The following BLK variants were observed in gnomAD, a reference collection of about 807,000 sequenced individuals.
BLK encodes BLK proto-oncogene, Src family tyrosine kinase, also known as tyrosine-protein kinase Blk.
Under a neutral mutation model 61.8 loss-of-function variants are expected in BLK, and 64 were observed. That is an observed-to-expected ratio of 1.03 (90% CI 0.85 to 1.27). The LOEUF is 1.27. Ranked by LOEUF, BLK falls within the 50% of genes most tolerant of loss-of-function variation. The probability of loss-of-function intolerance (pLI) is 0.00; values close to 1 mark genes in which losing one functional copy is unlikely to be tolerated. For synonymous variants in BLK, 351 were observed against 272.0 expected (o/e 1.29, Z -2.86); for missense variants, 853 against 660.5 (o/e 1.29, Z -3.19).
intron 1 of BLK, among the ~76,000 whole-genome samples, chr8:11,521,654 G>A (rs574378956): frequency 2.0e-5 from 3 of 152,304 alleles, no homozygotes; most frequent in South Asian, 2.1e-4. Context: ...TAAGGCCACA[G>A]TTTTATGTGA....
chr8:11,557,745 G>T, intron 9 of BLK: 1 of 536,934 alleles, frequency 1.9e-6, no homozygotes, highest in Non-Finnish European at 3.5e-6. Context: ...GGCAACTGCT[G>T]GTATATTGGC....
At chr8:11,545,415 G>C (rs1320531279) in intron 2 of BLK, among the ~76,000 whole-genome samples, 1 of 152,146 alleles carries the variant, frequency 6.6e-6, no homozygotes, top group South Asian at 2.1e-4. Flanking sequence ...TGGGCGTGAT[G>C]GCGGGCACCT....
intron 1 of BLK, among the ~76,000 whole-genome samples, chr8:11,520,367 C>T (rs1169490630): frequency 6.7e-6 from 1 of 149,768 alleles, no homozygotes; most frequent in African/African-American, 2.5e-5. Context: ...GTCCCAGCTA[C>T]TTGGGAGGTT....
intron 9 of BLK, 80 bp downstream of exon 9, chr8:11,556,917 T>C (rs774597435): frequency 2.2e-6 from 3 of 1,354,452 alleles, no homozygotes; most frequent in East Asian, 3.1e-5. Flanking sequence ...TCCGCTGCGG[T>C]GGGTTCACCA....
At chr8:11,541,418 C>T (rs968199768) in intron 1 of BLK, among the ~76,000 whole-genome samples, 2 of 151,900 alleles carry the variant, frequency 1.3e-5, no homozygotes, top group Non-Finnish European at 2.9e-5. Context: ...TAAAGGTGAA[C>T]ATACATCATA....
chr8:11,545,825 T>TC (rs778313591), intron 2 of BLK: 2 of 588,404 alleles, frequency 3.4e-6, no homozygotes, highest in East Asian at 5.8e-5. Context: ...CATTGGGGCA[T>TC]CCCCCAGCGC....
intron 10 of BLK, among the ~76,000 whole-genome samples, chr8:11,559,269 A>G (rs1212283884): frequency 5.3e-5 from 8 of 152,110 alleles, no homozygotes; most frequent in East Asian, 3.9e-4. Flanking sequence ...GACCATGCCA[A>G]TGGCTCTCTA....
chr8:11,557,252 C>T (rs1347500626), intron 9 of BLK, among the ~76,000 whole-genome samples: 1 of 152,160 alleles, frequency 6.6e-6, no homozygotes, highest in African/African-American at 2.4e-5. Flanking sequence ...ACAAGGATGG[C>T]CAGAGAGGTT....
intron 6 of BLK, chr8:11,552,853 G>T (rs1243997009): frequency 6.6e-6 from 1 of 152,342 alleles, no homozygotes; most frequent in African/African-American, 2.4e-5. Flanking sequence ...TGGGACCAGG[G>T]CTGCAGGACT....
chr8:11,536,712 C>T (rs1800147555), intron 1 of BLK, among the ~76,000 whole-genome samples: 1 of 152,290 alleles, frequency 6.6e-6, no homozygotes, highest in East Asian at 1.9e-4. Flanking sequence ...GGCCAATATT[C>T]TTGACTTTAG....
chr8:11,552,713 T>A (rs951739972), intron 6 of BLK: 1 of 152,168 alleles, frequency 6.6e-6, no homozygotes, highest in Non-Finnish European at 1.5e-5. Flanking sequence ...CATTGCCTAT[T>A]GCTAAGGTGA....
rs1338290872 is a variant in BLK, at chr8:11,549,139, AC to A, written c.368+23del. 6.4e-7 allele frequency: 1 copy of A among 1,574,324 alleles called. No homozygotes were observed. Among genetic ancestry groups the A allele is most frequent in the Non-Finnish European group, 8.6e-7 (1 of 1,158,546 alleles). Reference sequence around the variant, plus strand: ...AATGGAAAGGTAGGTGGGCACGGGAACCCCCCTCGAGCCAAGATGCAGTCAC... The same window carrying A: ...AATGGAAAGGTAGGTGGGCACGGGAACCCCCTCGAGCCAAGATGCAGTCAC... On this transcript the variant is annotated intron_variant, in intron 5 of 12. Coordinates refer to ENST00000259089, the MANE Select transcript of BLK (RefSeq NM_001715.3).
chr8:11,526,882 A>T (rs1433174742), intron 1 of BLK, among the ~76,000 whole-genome samples: 2 of 152,228 alleles, frequency 1.3e-5, no homozygotes, highest in Admixed American at 1.3e-4. Context: ...AATTGAATAC[A>T]TAGAGAAGGC....
intron 1 of BLK, among the ~76,000 whole-genome samples, chr8:11,510,604 A>G (rs1284262877): frequency 1.3e-5 from 2 of 152,014 alleles, no homozygotes; most frequent in African/African-American, 2.4e-5. Context: ...TTTTTTAAAA[A>G]ACCCAGCTTT....
At chr8:11,516,143 A>G (rs1563431389) in intron 1 of BLK, among the ~76,000 whole-genome samples, 1 of 152,372 alleles carries the variant, frequency 6.6e-6, no homozygotes, top group South Asian at 2.1e-4. Flanking sequence ...ACATGACGCT[A>G]AGAGGAGAGA....
chr8:11,498,917 T>C (rs1798458549), intron 1 of BLK, among the ~76,000 whole-genome samples: 1 of 152,234 alleles, frequency 6.6e-6, no homozygotes, highest in Non-Finnish European at 1.5e-5. Context: ...CAGGGGGTCC[T>C]TGTACTTCAA....
Position 11,559,838 on chromosome 8 carries a change from G to A in BLK, c.1030-1464G>A, listed in dbSNP as rs1287619982. 2.0e-5 allele frequency: 9 copies of A among 456,160 alleles called. 1 individual carries two copies. Among genetic ancestry groups the A allele is most frequent in the African/African-American group, 1.8e-4 (9 of 50,128 alleles). 28.3% of individuals were successfully genotyped at this position (456,160 alleles called of 1,614,324 possible). A position where few individuals can be genotyped will look rare whatever the true frequency, so the allele number is the denominator to read the frequency against. On this transcript the variant is annotated intron_variant, in intron 10 of 12. Coordinates refer to ENST00000259089, the MANE Select transcript of BLK (RefSeq NM_001715.3). ...TCAAGCGTAATGTCATTTCTATGAA[G>A]GTTTCCCTGGACAAGAAACTGCCAG...
chr8:11,538,923 A>G (rs1365524662), intron 1 of BLK, among the ~76,000 whole-genome samples: 1 of 152,182 alleles, frequency 6.6e-6, no homozygotes, highest in African/African-American at 2.4e-5. Context: ...TATCAATAAT[A>G]TATGCTTAGT....
intron 1 of BLK, among the ~76,000 whole-genome samples, chr8:11,512,654 TTTTG>T (rs34375861): frequency 0.28 from 42,695 of 151,026 alleles, 6,422 homozygotes; most frequent in Middle Eastern, 0.38. Context: ...AGGCTTCTGG[TTTTG>T]TTTGTTTGTT....
Sources: gnomAD v4.1 joint callset for allele counts (sites outside exome capture counted in the v4.1 genomes callset) on GRCh38, gnomAD v4.1.1 for gene constraint, MANE v1.5 for transcripts, NCBI Gene and HGNC (gene_info 2026-07-23, HGNC 2026-07-21) for gene names.